Variants in GRIK2 observed in about 807,000 individuals in gnomAD.
GRIK2 encodes the protein glutamate receptor ionotropic, kainate 2.
A neutral mutation model predicts 100.3 loss-of-function variants in GRIK2; 32 were observed. That is an observed-to-expected ratio of 0.32 (90% CI 0.24 to 0.43). The LOEUF is 0.43. Among genes scored for constraint, GRIK2 ranks in the 20% least tolerant of loss-of-function variants. The pLI is 1.00. For missense variants in GRIK2, 843 were observed against 1,114.9 expected (o/e 0.76, Z 3.47); for synonymous variants, 417 against 389.4 (o/e 1.07, Z -0.83).
intron 9 of GRIK2, among the ~76,000 whole-genome samples, chr6:101,808,172 A>G (rs1017140174): frequency 5.2e-4 from 79 of 152,034 alleles, no homozygotes; most frequent in African/African-American, 1.8e-3. Context: ...AGAAATATTC[A>G]GGAAGATCTT....
intron 7 of GRIK2, among the ~76,000 whole-genome samples, chr6:101,798,239 A>G (rs1780448366): frequency 6.6e-6 from 1 of 152,046 alleles, no homozygotes; most frequent in African/African-American, 2.4e-5. Flanking sequence ...CTCAAAATGT[A>G]TCTTCCCAAT....
chr6:101,803,172 T>G (rs1583181308), intron 9 of GRIK2, among the ~76,000 whole-genome samples: 1 of 151,918 alleles, frequency 6.6e-6, no homozygotes, highest in Non-Finnish European at 1.5e-5. Context: ...AAAAATTATA[T>G]GTGACTGAGA....
chr6:102,036,227 G>GTAAA (rs71028101), intron 15 of GRIK2, among the ~76,000 whole-genome samples: 38,667 of 135,120 alleles, frequency 0.29, 5,127 homozygotes, highest in Non-Finnish European at 0.3. Context: ...GGTGCCGTAA[G>GTAAA]TAAACACACA....
At position 101,889,192 on chromosome 6, in the gene GRIK2, CTG is replaced by C. The variant is rs1786868464; in HGVS notation, c.1525-446_1525-445del. On this transcript the variant is annotated intron_variant, in intron 11 of 16. Coordinates refer to ENST00000369134, the MANE Select transcript of GRIK2 (RefSeq NM_021956.5). ...TTCTATATTTTAAAATCAGAAATGT[CTG>C]TTAATTCTCAGCTATATAATTTGAT... 1.2e-4 allele frequency among the ~76,000 whole-genome samples: 18 copies of C among 151,980 alleles called. No individual in the cohort carries two copies. In the South Asian group the frequency reaches 3.7e-3, roughly 32 times the overall value.
At chr6:101,858,564 AT>A (rs575599260) in intron 10 of GRIK2, among the ~76,000 whole-genome samples, 2,940 of 149,672 alleles carry the variant, frequency 0.02, 26 homozygotes, top group Non-Finnish European at 0.027. Flanking sequence ...TTTTTTTTGT[AT>A]TTTTTAGTAG....
intron 2 of GRIK2, among the ~76,000 whole-genome samples, chr6:101,404,838 AC>A (rs1775512702): frequency 6.6e-6 from 1 of 152,156 alleles, no homozygotes; most frequent in South Asian, 2.1e-4. Flanking sequence ...GAGGTCAGAA[AC>A]CCCTGAAAGG....
rs1339262792 is a variant in GRIK2, at chr6:101,525,899, T to A, written c.116-96050T>A. The stretch of plus-strand genomic sequence containing the variant: ...GTACAATGCTGTTGTAAGGACTGTA[T>A]ACTGTGATGAATAAAATGGAAGGAA... On this transcript the variant is annotated intron_variant, in intron 2 of 16. Coordinates refer to ENST00000369134, the MANE Select transcript of GRIK2 (RefSeq NM_021956.5). Among the ~76,000 whole-genome samples, 3 of 152,174 alleles carry A rather than the reference T, an allele frequency of 2.0e-5. No homozygotes were observed. The East Asian group carries it at 5.8e-4, about 29-fold the overall frequency.
At chr6:101,669,241 T>C (rs1770249955) in intron 4 of GRIK2, among the ~76,000 whole-genome samples, 1 of 152,204 alleles carries the variant, frequency 6.6e-6, no homozygotes, top group Non-Finnish European at 1.5e-5. Flanking sequence ...TACTCTGTCA[T>C]TAAATAATTT....
At chr6:101,926,195 G>T (rs868658604) in intron 13 of GRIK2, among the ~76,000 whole-genome samples, 1,387 of 127,500 alleles carry the variant, frequency 0.011, 44 homozygotes, top group African/African-American at 0.04. Flanking sequence ...GGGTCCAAGG[G>T]TTTTTTTTTT....
intron 2 of GRIK2, among the ~76,000 whole-genome samples, chr6:101,568,771 G>A (rs1270152476): frequency 6.6e-6 from 1 of 151,570 alleles, no homozygotes; most frequent in African/African-American, 2.4e-5. Flanking sequence ...GTGATTTTTT[G>A]GTTATTTAAA....
intron 2 of GRIK2, among the ~76,000 whole-genome samples, chr6:101,612,363 A>G (rs980382802): frequency 6.6e-6 from 1 of 151,896 alleles, no homozygotes; most frequent in African/African-American, 2.4e-5. Flanking sequence ...TGGGAAATAG[A>G]TTAAAGACAG....
chr6:101,447,393 C>A (rs1337125632), intron 2 of GRIK2, among the ~76,000 whole-genome samples: 1 of 151,560 alleles, frequency 6.6e-6, no homozygotes. Flanking sequence ...TGGATAACAT[C>A]GGTTTCAAAA....
At chr6:101,607,898 A>T (rs1779504840) in intron 2 of GRIK2, among the ~76,000 whole-genome samples, 1 of 151,762 alleles carries the variant, frequency 6.6e-6, no homozygotes, top group African/African-American at 2.4e-5. Context: ...TTGCAGAGGA[A>T]CCTTTGCCCA....
intron 12 of GRIK2, among the ~76,000 whole-genome samples, chr6:101,922,112 C>CTTCT (rs1789575047): frequency 6.0e-5 from 1 of 16,716 alleles, no homozygotes; most frequent in African/African-American, 2.8e-4. Context: ...TCCTTCCTTC[C>CTTCT]TTCCTTCCTT....
At chr6:101,557,239 T>G (rs370939076) in intron 2 of GRIK2, among the ~76,000 whole-genome samples, 61 of 152,348 alleles carry the variant, frequency 4.0e-4, no homozygotes, top group African/African-American at 1.4e-3. Context: ...CTTTTATTGT[T>G]AGACCATTCA....
At chr6:101,795,490 C>A (rs1039909624) in intron 7 of GRIK2, among the ~76,000 whole-genome samples, 1 of 152,176 alleles carries the variant, frequency 6.6e-6, no homozygotes, top group East Asian at 1.9e-4. Context: ...TTAGTGGGCT[C>A]AGGTGGGCCA....
intron 2 of GRIK2, among the ~76,000 whole-genome samples, chr6:101,571,161 A>C (rs1212042442): frequency 6.6e-6 from 1 of 152,152 alleles, no homozygotes; most frequent in Admixed American, 6.6e-5. Context: ...CAAAAATGAA[A>C]GCAATATCCT....
intron 2 of GRIK2, among the ~76,000 whole-genome samples, chr6:101,499,051 G>A (rs1218545859): frequency 6.6e-6 from 1 of 152,082 alleles, no homozygotes; most frequent in Non-Finnish European, 1.5e-5. Flanking sequence ...AATAAATGGT[G>A]CTGGGAAAAC....
intron 12 of GRIK2, among the ~76,000 whole-genome samples, chr6:101,909,246 A>G (rs1316637399): frequency 6.6e-6 from 1 of 150,954 alleles, no homozygotes; most frequent in Non-Finnish European, 1.5e-5. Context: ...AAAAATATAT[A>G]AACATGATTA....
Sources: gnomAD v4.1 joint callset for allele counts (sites outside exome capture counted in the v4.1 genomes callset) on GRCh38, gnomAD v4.1.1 for gene constraint, MANE v1.5 for transcripts, NCBI Gene and HGNC (gene_info 2026-07-23, HGNC 2026-07-21) for gene names.